Variants in TBX15 observed in about 807,000 individuals in gnomAD.
TBX15 encodes T-box transcription factor 15, also known as T-box transcription factor TBX15.
TBX15 carries 18 observed loss-of-function variants against 53.9 expected under a neutral mutation model. That is an observed-to-expected ratio of 0.33 (90% CI 0.23 to 0.49). The LOEUF (loss-of-function observed/expected upper bound fraction) is 0.49. TBX15 is among the 20% of genes least tolerant of loss of function. TBX15 has a pLI of 0.98. For synonymous variants in TBX15, 295 were observed against 278.0 expected (o/e 1.06, Z -0.61); for missense variants, 692 against 749.5 (o/e 0.92, Z 0.90).
rs1392579704 is a variant in TBX15 at position 118,987,886 on chromosome 1, C to T, written c.-91G>A. ...CTCTGAGCGCCCACCGGGCCCGGCC[C>T]GGGAGAGGCGGAGGCGCGTCGGACG... On this transcript the variant is annotated 5_prime_UTR_variant, in exon 1 of 8. Transcript: ENST00000369429. 1.3e-6 allele frequency: 2 copies of T among 1,484,440 alleles called. No homozygotes were observed. The highest frequency in any genetic ancestry group is 1.8e-6 in the Non-Finnish European group (2 of 1,104,824). The allele number at this position is 1,484,440 out of a possible 1,614,324, so 92.0% of individuals were successfully genotyped here. A position where few individuals can be genotyped will look rare whatever the true frequency, so the allele number is the denominator to read the frequency against.
intron 1 of TBX15, among the ~76,000 whole-genome samples, chr1:118,978,696 A>T (rs1176195790): frequency 6.6e-6 from 1 of 152,236 alleles, no homozygotes; most frequent in Non-Finnish European, 1.5e-5. Flanking sequence ...GAGAGTGAAG[A>T]CATATATATC....
At chr1:118,927,539 C>T (rs1444350323) in intron 2 of TBX15, among the ~76,000 whole-genome samples, 1 of 152,128 alleles carries the variant, frequency 6.6e-6, no homozygotes, top group East Asian at 1.9e-4. Context: ...AAATTTTCTG[C>T]AAGTTCTCAG....
intron 6 of TBX15, 53 bp downstream of exon 6, chr1:118,914,062 G>C (rs1655110480): frequency 1.3e-6 from 2 of 1,579,994 alleles, no homozygotes; most frequent in African/African-American, 2.7e-5. Context: ...AGCAGGATGT[G>C]AGGGAAGTAA....
chr1:118,985,087 G>T (rs1657784473), intron 1 of TBX15, among the ~76,000 whole-genome samples: 1 of 152,162 alleles, frequency 6.6e-6, no homozygotes, highest in Admixed American at 6.5e-5. Context: ...CTCTAGGCAT[G>T]AACGTGTGCG....
rs1382746186 is a variant in TBX15 at position 118,893,578 on chromosome 1, GAAA to G, written c.1024+5447_1024+5449del. On this transcript the variant is annotated intron_variant, in intron 7 of 7. Coordinates refer to ENST00000369429, the MANE Select transcript of TBX15 (RefSeq NM_001330677.2). The stretch of plus-strand genomic sequence containing the variant: ...GGAAGGAAAGAAGGAAGGAAGGAAA[GAAA>G]GAAAGGAAGGAAGGAAGGAAAGAAA... Among the ~76,000 whole-genome samples, 15 of 120,924 alleles carry G rather than the reference GAAA, an allele frequency of 1.2e-4. 1 individual carries two copies. Among genetic ancestry groups the G allele is most frequent in the African/African-American group, 6.5e-4 (14 of 21,398 alleles). The allele number at this position is 120,924 out of a possible 152,430, so 79.3% of individuals were successfully genotyped here. A position where few individuals can be genotyped will look rare whatever the true frequency, so the allele number is the denominator to read the frequency against.
chr1:118,948,247 G>A (rs917924172), intron 1 of TBX15, among the ~76,000 whole-genome samples: 2 of 152,084 alleles, frequency 1.3e-5, no homozygotes, highest in Non-Finnish European at 2.9e-5. Flanking sequence ...AATGGGGGCA[G>A]ACAGATAACA....
At chr1:118,956,987 C>T (rs1272765813) in intron 1 of TBX15, among the ~76,000 whole-genome samples, 1 of 151,428 alleles carries the variant, frequency 6.6e-6, no homozygotes, top group East Asian at 1.9e-4. Flanking sequence ...AGATTAAATC[C>T]ACTAACACTT....
At chr1:118,911,795 G>C (rs1483289080) in intron 6 of TBX15, among the ~76,000 whole-genome samples, 1 of 152,162 alleles carries the variant, frequency 6.6e-6, no homozygotes, top group Non-Finnish European at 1.5e-5. Context: ...GCACACGTCT[G>C]TCTTTGCACT....
At chr1:118,918,953 A>G (rs1240217970) in intron 5 of TBX15, among the ~76,000 whole-genome samples, 2 of 151,994 alleles carry the variant, frequency 1.3e-5, no homozygotes, top group Non-Finnish European at 1.5e-5. Context: ...AGGGGGGAAA[A>G]CAAAACAAAA....
chr1:118,987,358 A>G (rs1413770110), intron 1 of TBX15, among the ~76,000 whole-genome samples: 1 of 152,238 alleles, frequency 6.6e-6, no homozygotes, highest in East Asian at 1.9e-4. Context: ...AAATGCAAAC[A>G]AACAGGACTC....
At chr1:118,910,696 T>C (rs970939032) in intron 6 of TBX15, among the ~76,000 whole-genome samples, 1 of 152,204 alleles carries the variant, frequency 6.6e-6, no homozygotes, top group African/African-American at 2.4e-5. Context: ...TTACTTGCCG[T>C]AGCAATTTAT....
intron 1 of TBX15, among the ~76,000 whole-genome samples, chr1:118,942,560 T>C (rs1307185803): frequency 6.6e-6 from 1 of 152,142 alleles, no homozygotes; most frequent in East Asian, 1.9e-4. Context: ...GAAATCCCTA[T>C]TAAGTCCTAG....
At chr1:118,985,103 G>C (rs1657785285) in intron 1 of TBX15, among the ~76,000 whole-genome samples, 1 of 152,074 alleles carries the variant, frequency 6.6e-6, no homozygotes, top group Admixed American at 6.5e-5. Context: ...GTGCGTGTGT[G>C]TTTGTGTGTG....
At chr1:118,913,521 G>A (rs951357828) in intron 6 of TBX15, among the ~76,000 whole-genome samples, 18 of 152,216 alleles carry the variant, frequency 1.2e-4, no homozygotes, top group African/African-American at 4.1e-4. Context: ...GGAGCAAATG[G>A]TCCTATAAAC....
intron 7 of TBX15, among the ~76,000 whole-genome samples, chr1:118,891,967 T>G (rs1346445353): frequency 6.6e-6 from 1 of 152,148 alleles, no homozygotes; most frequent in African/African-American, 2.4e-5. Flanking sequence ...AATTCCACTA[T>G]GAATCTGAAG....
chr1:118,943,335 C>T (rs1372481340), intron 1 of TBX15, among the ~76,000 whole-genome samples: 2 of 151,996 alleles, frequency 1.3e-5, no homozygotes, highest in East Asian at 3.9e-4. Flanking sequence ...TATTTCAGGG[C>T]CTAGGGCAAA....
intron 1 of TBX15, among the ~76,000 whole-genome samples, chr1:118,933,507 C>T (rs1218637399): frequency 1.4e-5 from 2 of 148,056 alleles, no homozygotes; most frequent in Non-Finnish European, 3.0e-5. Flanking sequence ...TTTTACATGT[C>T]TAAGCACATA....
chr1:118,894,507 T>G (rs1654353432), intron 7 of TBX15, among the ~76,000 whole-genome samples: 1 of 152,156 alleles, frequency 6.6e-6, no homozygotes, highest in Admixed American at 6.6e-5. Context: ...AAAAAAATGA[T>G]TCTCATTTCT....
intron 1 of TBX15, among the ~76,000 whole-genome samples, chr1:118,947,762 C>T (rs1433628362): frequency 2.6e-5 from 4 of 152,188 alleles, no homozygotes; most frequent in South Asian, 2.1e-4. Flanking sequence ...AACTGAGACT[C>T]GGTGAAGCAA....
Sources: gnomAD v4.1 joint callset for allele counts (sites outside exome capture counted in the v4.1 genomes callset) on GRCh38, gnomAD v4.1.1 for gene constraint, MANE v1.5 for transcripts, NCBI Gene and HGNC (gene_info 2026-07-23, HGNC 2026-07-21) for gene names.